The following HAPLN1 variants were observed in gnomAD, a reference collection of about 807,000 sequenced individuals.
The protein encoded by HAPLN1 is hyaluronan and proteoglycan link protein 1, also known as Cartilage link protein.
HAPLN1 carries 13 observed loss-of-function variants against 36.5 expected under a neutral mutation model. The observed-to-expected ratio is 0.36, with a 90% CI of 0.23 to 0.57. The LOEUF (loss-of-function observed/expected upper bound fraction) is 0.57, where lower values mean the gene tolerates loss of function less well. HAPLN1 is among the 20% of genes least tolerant of loss of function. The probability of loss-of-function intolerance (pLI) is 0.83; values close to 1 mark genes in which losing one functional copy is unlikely to be tolerated. For missense variants in HAPLN1, 407 were observed against 439.7 expected (o/e 0.93, Z 0.66); for synonymous variants, 202 against 169.8 (o/e 1.19, Z -1.48).
chr5:83,644,226 C>A, intron 4 of HAPLN1, 137 bp downstream of exon 4: 3 of 689,724 alleles, frequency 4.3e-6, no homozygotes, highest in South Asian at 6.0e-5. Context: ...CTTTTTATAT[C>A]TTTTTAAACT....
intron 1 of HAPLN1, among the ~76,000 whole-genome samples, chr5:83,710,127 C>A (rs755878043): frequency 1.5e-4 from 23 of 152,150 alleles, no homozygotes; most frequent in Non-Finnish European, 3.1e-4. Flanking sequence ...CTGGATAGAT[C>A]TAAAGATGTG....
Position 83,671,409 on chromosome 5 carries a change from G to T in HAPLN1, c.100+2015C>A, listed in dbSNP as rs533724814. Among the ~76,000 whole-genome samples the T allele has an allele frequency of 3.9e-5, 6 of 152,282 alleles. No individual in the cohort carries two copies. In the South Asian group the frequency reaches 1.2e-3, roughly 32 times the overall value. ...TCTGACTAAATTCTTCAAAAAATTT[G>T]TGAGGATTTCAGCTCCCTAAAATTC... On this transcript the variant is annotated intron_variant, in intron 2 of 4. Transcript: ENST00000274341.
At chr5:83,654,513 T>A (rs1750161525) in intron 2 of HAPLN1, among the ~76,000 whole-genome samples, 1 of 152,208 alleles carries the variant, frequency 6.6e-6, no homozygotes, top group African/African-American at 2.4e-5. Context: ...GCCTTCTTTC[T>A]AGGAGGAGGA....
chr5:83,652,404 C>A, intron 3 of HAPLN1, 49 bp downstream of exon 3: 2 of 1,530,944 alleles, frequency 1.3e-6, no homozygotes, highest in Admixed American at 2.1e-5. Flanking sequence ...AAAAAAAAAG[C>A]AACTATTAAT....
At chr5:83,672,062 C>A (rs1311938293) in intron 2 of HAPLN1, among the ~76,000 whole-genome samples, 1 of 152,148 alleles carries the variant, frequency 6.6e-6, no homozygotes, top group Non-Finnish European at 1.5e-5. Context: ...AAACACTATT[C>A]TCATACTCTG....
chr5:83,690,979 G>A (rs1751256110), intron 1 of HAPLN1, among the ~76,000 whole-genome samples: 1 of 151,996 alleles, frequency 6.6e-6, no homozygotes, highest in Admixed American at 6.6e-5. Flanking sequence ...GATGAAGTAA[G>A]ATGAGCAGTA....
At chr5:83,662,517 A>G (rs1750433173) in intron 2 of HAPLN1, among the ~76,000 whole-genome samples, 1 of 152,228 alleles carries the variant, frequency 6.6e-6, no homozygotes, top group Admixed American at 6.5e-5. Context: ...CCAGGTTATC[A>G]TAATTATAGA....
intron 2 of HAPLN1, among the ~76,000 whole-genome samples, chr5:83,655,064 T>C (rs1396209948): frequency 2.0e-5 from 3 of 152,224 alleles, no homozygotes; most frequent in Non-Finnish European, 4.4e-5. Context: ...TTTTGTCATA[T>C]ATTAGTCTTC....
intron 1 of HAPLN1, among the ~76,000 whole-genome samples, chr5:83,684,091 C>T (rs1405597530): frequency 1.3e-5 from 2 of 152,040 alleles, no homozygotes; most frequent in Non-Finnish European, 1.5e-5. Context: ...AGACCAGCAG[C>T]ATGGCCCCTG....
At chr5:83,673,377 A>C (rs745915783) in intron 2 of HAPLN1, 47 bp downstream of exon 2, 2 of 1,311,412 alleles carry the variant, frequency 1.5e-6, no homozygotes, top group Non-Finnish European at 2.1e-6. Context: ...AACTCTAAGT[A>C]ACTTAAAATT....
chr5:83,695,907 T>C (rs73133880), intron 1 of HAPLN1, among the ~76,000 whole-genome samples: 5,096 of 151,862 alleles, frequency 0.034, 314 homozygotes, highest in African/African-American at 0.12. Context: ...AACATCCTAG[T>C]GGAGGTTCCC....
At chr5:83,696,469 A>G (rs1751390682) in intron 1 of HAPLN1, among the ~76,000 whole-genome samples, 1 of 152,144 alleles carries the variant, frequency 6.6e-6, no homozygotes, top group Non-Finnish European at 1.5e-5. Context: ...GAATTTACAA[A>G]AGAAAGAACA....
In HAPLN1 at chr5:83,684,984, A is replaced by C. The variant is rs537475400; in HGVS notation, c.-26-11435T>G. Among the ~76,000 whole-genome samples, 4 of 152,328 alleles carry C rather than the reference A, an allele frequency of 2.6e-5. No homozygotes were observed. The East Asian group carries it at 7.7e-4, about 29-fold the overall frequency. Reference sequence around the variant, plus strand: ...TATAGAGATAAAATATAAAGATTTCAAAATACAATGGGTTAGCCTTTAGCT... The same window carrying C: ...TATAGAGATAAAATATAAAGATTTCCAAATACAATGGGTTAGCCTTTAGCT... On this transcript the variant is annotated intron_variant, in intron 1 of 4. Coordinates refer to ENST00000274341, the MANE Select transcript of HAPLN1 (RefSeq NM_001884.4).
At chr5:83,657,287 G>T (rs1750248010) in intron 2 of HAPLN1, among the ~76,000 whole-genome samples, 1 of 151,892 alleles carries the variant, frequency 6.6e-6, no homozygotes, top group Non-Finnish European at 1.5e-5. Flanking sequence ...TAGTAGAGAT[G>T]GGGTTTCACC....
intron 1 of HAPLN1, among the ~76,000 whole-genome samples, chr5:83,714,943 T>G (rs1394919585): frequency 6.6e-6 from 1 of 152,210 alleles, no homozygotes; most frequent in Non-Finnish European, 1.5e-5. Context: ...GGAAGAGAGA[T>G]CTGTCTGGCT....
chr5:83,681,534 A>T (rs1299245065), intron 1 of HAPLN1, among the ~76,000 whole-genome samples: 1 of 151,642 alleles, frequency 6.6e-6, no homozygotes, highest in Non-Finnish European at 1.5e-5. Flanking sequence ...TTTTTTTGAG[A>T]CAAGGTCTGT....
chr5:83,681,637 A>C (rs962965511), intron 1 of HAPLN1, among the ~76,000 whole-genome samples: 1 of 152,200 alleles, frequency 6.6e-6, no homozygotes, highest in South Asian at 2.1e-4. Context: ...CGGCTCGCCA[A>C]GTAGCTGGGA....
chr5:83,654,590 A>G (rs775065643), intron 2 of HAPLN1, among the ~76,000 whole-genome samples: 3 of 152,208 alleles, frequency 2.0e-5, no homozygotes, highest in Non-Finnish European at 2.9e-5. Context: ...CCTCACCAGT[A>G]TCTTGTGGGG....
chr5:83,696,782 TA>T (rs1282553533), intron 1 of HAPLN1, among the ~76,000 whole-genome samples: 2 of 152,146 alleles, frequency 1.3e-5, no homozygotes, highest in African/African-American at 4.8e-5. Flanking sequence ...ACAAATGACA[TA>T]AAAAAATTTT....
Sources: gnomAD v4.1 joint callset for allele counts (sites outside exome capture counted in the v4.1 genomes callset) on GRCh38, gnomAD v4.1.1 for gene constraint, MANE v1.5 for transcripts, NCBI Gene and HGNC (gene_info 2026-07-23, HGNC 2026-07-21) for gene names.